PRKCB: variants seen among roughly 807,000 people sequenced by gnomAD.
PRKCB encodes the protein protein kinase C beta.
Under a neutral mutation model 81.5 loss-of-function variants are expected in PRKCB, and 13 were observed. That is an observed-to-expected ratio of 0.16 (90% CI 0.10 to 0.25). PRKCB has a LOEUF of 0.25. Ranked by LOEUF, PRKCB falls within the 10% of genes least tolerant of loss-of-function variation. The pLI, the probability that PRKCB is intolerant of heterozygous loss-of-function variation, is 1.00. For synonymous variants in PRKCB, 335 were observed against 321.4 expected (o/e 1.04, Z -0.45); for missense variants, 509 against 875.7 (o/e 0.58, Z 5.29).
intron 3 of PRKCB, among the ~76,000 whole-genome samples, chr16:24,005,066 G>T (rs1315416549): frequency 2.0e-5 from 3 of 152,162 alleles, no homozygotes; most frequent in African/African-American, 7.2e-5. Flanking sequence ...TCTGTGTCTT[G>T]ACTGGGATGG....
chr16:24,106,212 C>T (rs151225163), intron 7 of PRKCB, among the ~76,000 whole-genome samples: 324 of 152,228 alleles, frequency 2.1e-3, no homozygotes, highest in African/African-American at 6.9e-3. Context: ...CAAGTTACTT[C>T]GCCTCTCTGT....
chr16:24,103,334 T>C (rs1966533152), intron 7 of PRKCB, among the ~76,000 whole-genome samples: 1 of 152,162 alleles, frequency 6.6e-6, no homozygotes, highest in Non-Finnish European at 1.5e-5. Context: ...TAGAATTAGA[T>C]TTTTGTTTAA....
At chr16:24,110,510 C>CTTTT (rs1211090636) in intron 7 of PRKCB, among the ~76,000 whole-genome samples, 1,663 of 111,048 alleles carry the variant, frequency 0.015, 146 homozygotes, top group African/African-American at 0.069. Context: ...CATGCCCAAC[C>CTTTT]TTTTTTTTTT....
intron 2 of PRKCB, among the ~76,000 whole-genome samples, chr16:23,966,574 C>T (rs1964490228): frequency 6.6e-6 from 1 of 152,048 alleles, no homozygotes; most frequent in Non-Finnish European, 1.5e-5. Flanking sequence ...ATCTAAAATC[C>T]CTCTAGTTTG....
At chr16:23,974,269 G>A (rs551121978) in intron 2 of PRKCB, among the ~76,000 whole-genome samples, 44 of 152,284 alleles carry the variant, frequency 2.9e-4, no homozygotes, top group African/African-American at 1.0e-3. Context: ...TGGTGGTGCT[G>A]AGGAGACAGG....
intron 2 of PRKCB, among the ~76,000 whole-genome samples, chr16:23,957,305 A>G (rs372132494): frequency 6.6e-6 from 1 of 152,358 alleles, no homozygotes; most frequent in East Asian, 1.9e-4. Context: ...TATTCTAAAT[A>G]AAGATGAATG....
intron 5 of PRKCB, among the ~76,000 whole-genome samples, chr16:24,065,937 GTTC>G (rs1236067786): frequency 6.6e-6 from 1 of 152,178 alleles, no homozygotes; most frequent in Non-Finnish European, 1.5e-5. Context: ...CCATCCCGTT[GTTC>G]TTCTTCCATC....
At chr16:24,008,688 T>C (rs1965161629) in intron 3 of PRKCB, among the ~76,000 whole-genome samples, 1 of 152,184 alleles carries the variant, frequency 6.6e-6, no homozygotes, top group South Asian at 2.1e-4. Flanking sequence ...ATCTATTTTA[T>C]TTTATTTTGG....
At chr16:23,898,215 A>G (rs1043067933) in intron 2 of PRKCB, among the ~76,000 whole-genome samples, 2 of 151,846 alleles carry the variant, frequency 1.3e-5, no homozygotes, top group Admixed American at 6.6e-5. Flanking sequence ...ACAGGCGCCC[A>G]CCACCACACC....
chr16:24,134,117 C>G (rs1966857909), intron 9 of PRKCB, among the ~76,000 whole-genome samples: 1 of 151,996 alleles, frequency 6.6e-6, no homozygotes, highest in Non-Finnish European at 1.5e-5. Flanking sequence ...AGGCTGGTCT[C>G]GAACTCCTGG....
At chr16:24,054,690 G>A (rs1372940254) in intron 5 of PRKCB, among the ~76,000 whole-genome samples, 2 of 152,310 alleles carry the variant, frequency 1.3e-5, no homozygotes, top group African/African-American at 2.4e-5. Context: ...CTTTTCTGTG[G>A]GAACGCTGAC....
chr16:24,155,163 A>T (rs1193074960), intron 10 of PRKCB, among the ~76,000 whole-genome samples: 1 of 152,206 alleles, frequency 6.6e-6, no homozygotes, highest in Non-Finnish European at 1.5e-5. Context: ...GAAAAGGTTC[A>T]CAGCTTGTGG....
At chr16:24,056,479 G>A (rs1965903774) in intron 5 of PRKCB, among the ~76,000 whole-genome samples, 1 of 152,236 alleles carries the variant, frequency 6.6e-6, no homozygotes, top group African/African-American at 2.4e-5. Context: ...GTGATACAGT[G>A]TGGATGTTTT....
intron 10 of PRKCB, among the ~76,000 whole-genome samples, chr16:24,162,787 C>T (rs749713653): frequency 5.9e-5 from 9 of 152,020 alleles, no homozygotes; most frequent in Non-Finnish European, 1.3e-4. Context: ...TTAGTTAATG[C>T]GTGCAATGTA....
intron 5 of PRKCB, among the ~76,000 whole-genome samples, chr16:24,084,054 A>G (rs945593608): frequency 3.3e-5 from 5 of 152,174 alleles, no homozygotes; most frequent in Admixed American, 3.3e-4. Flanking sequence ...TAGAAGCAGT[A>G]GATAGAGGAG....
intron 2 of PRKCB, among the ~76,000 whole-genome samples, chr16:23,979,573 C>G (rs888176732): frequency 6.6e-5 from 10 of 151,722 alleles, no homozygotes; most frequent in Non-Finnish European, 1.5e-4. Flanking sequence ...GGGGAATGTA[C>G]AGGAAGATAT....
chr16:24,170,529 C>T (rs1967426613), intron 10 of PRKCB, among the ~76,000 whole-genome samples: 1 of 151,928 alleles, frequency 6.6e-6, no homozygotes, highest in Non-Finnish European at 1.5e-5. Context: ...AGATTTCACC[C>T]AAGCAGAAGT....
At chr16:24,068,926 C>G (rs1232343001) in intron 5 of PRKCB, among the ~76,000 whole-genome samples, 1 of 152,198 alleles carries the variant, frequency 6.6e-6, no homozygotes, top group Non-Finnish European at 1.5e-5. Flanking sequence ...TGCTAGAACA[C>G]TATGGAGACA....
chr16:24,061,927 A>AC (rs1209712976), intron 5 of PRKCB, among the ~76,000 whole-genome samples: 3 of 150,030 alleles, frequency 2.0e-5, no homozygotes, highest in Non-Finnish European at 4.4e-5. Context: ...AAAAAAAAAA[A>AC]AAAAAACTTG....
Sources: gnomAD v4.1 joint callset for allele counts (sites outside exome capture counted in the v4.1 genomes callset) on GRCh38, gnomAD v4.1.1 for gene constraint, MANE v1.5 for transcripts, NCBI Gene and HGNC (gene_info 2026-07-23, HGNC 2026-07-21) for gene names.